The following TAF5 variants were observed in gnomAD, a reference collection of about 807,000 sequenced individuals.
The protein encoded by TAF5 is TATA-box binding protein associated factor 5.
In TAF5, 20 loss-of-function variants were observed where a neutral mutation model predicts 80.9. The observed-to-expected ratio is 0.25, with a 90% confidence interval of 0.17 to 0.36. The LOEUF (loss-of-function observed/expected upper bound fraction) is 0.36. Among genes scored for constraint, TAF5 ranks in the 10% least tolerant of loss-of-function variants. The pLI is 1.00. For synonymous variants in TAF5, 388 were observed against 406.4 expected (o/e 0.95, Z 0.55); for missense variants, 863 against 1,029.4 (o/e 0.84, Z 2.21).
Position 103,385,433 on chromosome 10 carries a change from C to T in TAF5, c.1772C>T (p.Thr591Ile). ...YKGHNYPVWD[T>I]QFSPYGYYFV... Reference sequence around the variant, plus strand: ...GGACACAACTATCCAGTATGGGACACACAATTTTCTCCATATGGATATTAT... The same window carrying T: ...GGACACAACTATCCAGTATGGGACATACAATTTTCTCCATATGGATATTAT... Residue 591 changes from threonine to isoleucine, a missense_variant, in exon 8 of 11, where the codon ACA becomes ATA. Physicochemically the swap from Thr to Ile is moderately conservative, Grantham distance 89. Around this residue, in one of 3 missense-constraint regions of TAF5, gnomAD observed 368 missense variants for 461.7 expected, o/e 0.80. Transcript: ENST00000369839. 1 of 1,613,992 alleles carries T rather than the reference C, an allele frequency of 6.2e-7. No homozygotes were observed. The highest frequency in any genetic ancestry group is 8.5e-7 in the Non-Finnish European group (1 of 1,180,014).
At position 103,374,846 on chromosome 10, in the gene TAF5, C is replaced by T. The variant is rs2133626375; in HGVS notation, c.797+1251C>T. Among the ~76,000 whole-genome samples the T allele has an allele frequency of 6.6e-6, 1 of 152,252 alleles. No individual in the cohort carries two copies. Among genetic ancestry groups the T allele is most frequent in the Admixed American group, 6.5e-5 (1 of 15,298 alleles). On this transcript the variant is annotated intron_variant, in intron 2 of 10. Transcript: ENST00000369839. The surrounding 1 kb of genome is among the most constrained non-coding windows in gnomAD (Gnocchi z 4.3). ...ACCATTTGAAAATGTGTAGAGGTGG[C>T]CCGGCGCTGCGGCTCACGCCTTTAA...
At chr10:103,382,752 A>G (rs1218325806) in intron 6 of TAF5, among the ~76,000 whole-genome samples, 1 of 151,210 alleles carries the variant, frequency 6.6e-6, no homozygotes, top group Non-Finnish European at 1.5e-5. Context: ...GGCTGAAGTG[A>G]TCCTCCCACT....
Position 103,381,713 on chromosome 10 carries a change from A to C in TAF5, c.1414-8A>C. The C allele has an allele frequency of 6.2e-7, 1 of 1,613,972 alleles. No individual in the cohort carries two copies. The highest frequency in any genetic ancestry group is 2.2e-5 in the East Asian group (1 of 44,892). ...TAGTATTGTTTAGTCTAACCCTTTT[A>C]TTGGCAGGGTCTCACTGCAGTGGAT... On this transcript the variant is annotated splice_region_variant and splice_polypyrimidine_tract_variant and intron_variant, in intron 5 of 10. Coordinates refer to ENST00000369839, the MANE Select transcript of TAF5 (RefSeq NM_006951.5).
In TAF5 at chr10:103,387,319, T is replaced by G; in HGVS notation, c.1974T>G (p.Asn658Lys). The G allele has an allele frequency of 6.2e-7, 1 of 1,614,136 alleles. No homozygotes were observed. Residue 658 changes from asparagine to lysine, a missense_variant, in exon 9 of 11, where the codon AAT (asparagine) becomes AAG (lysine). Physicochemically the swap from Asn to Lys is moderately conservative, Grantham distance 94 (BLOSUM62 0). Coordinates refer to ENST00000369839, the MANE Select transcript of TAF5 (RefSeq NM_006951.5). The stretch of plus-strand genomic sequence containing the variant: ...CTGTGCGGCTCTGGGACGTCCTGAA[T>G]GGTAACTGTGTAAGGATCTTCACTG... ...DRTVRLWDVL[N>K]GNCVRIFTGH...
rs1418967322 is a variant in TAF5 at position 103,379,936 on chromosome 10, A to G, written c.1330A>G (p.Met444Val). 8 of 1,614,122 alleles carry G rather than the reference A, an allele frequency of 5.0e-6. No individual in the cohort carries two copies. The highest frequency in any genetic ancestry group is 1.1e-5 in the South Asian group (1 of 91,066). The change falls in exon 5 of 11, where the codon ATG (methionine) becomes GTG (valine). Residue 444 changes from methionine to valine, a missense_variant. By Grantham distance (21) the Met-to-Val change is conservative. Around this residue, in one of 3 missense-constraint regions of TAF5, gnomAD observed 368 missense variants for 461.7 expected, o/e 0.80. Coordinates refer to ENST00000369839, the MANE Select transcript of TAF5 (RefSeq NM_006951.5). ...AGATAAGTTGGATAAGATAATGAAT[A>G]TGAAAGAAACCACCAAACGAGTGCG... The part of the protein sequence containing the change: ...DSDKLDKIMN[M>V]KETTKRVRLG...
chr10:103,379,731 A>G lies in TAF5; in HGVS notation c.1237A>G (p.Lys413Glu). The G allele has an allele frequency of 6.2e-7, 1 of 1,600,856 alleles. No individual in the cohort carries two copies. Among genetic ancestry groups the G allele is most frequent in the Non-Finnish European group, 8.5e-7 (1 of 1,177,248 alleles). ...KKPKKDSIGSKSKKQDPNAPP... is the reference protein window; with the variant it reads ...KKPKKDSIGSESKKQDPNAPP... ...GCCTAAAAAAGATAGTATTGGATCC[A>G]AAAGCAAAAAACAAGATCCCAATGC... Residue 413 changes from lysine (K) to glutamate (E), a missense_variant, in exon 4 of 11, where the codon AAA becomes GAA. Lys to Glu is a moderately conservative substitution (Grantham distance 56). This residue lies in a region of TAF5 where 128 missense variants were observed against 232.2 expected (regional missense o/e 0.55). Coordinates refer to ENST00000369839, the MANE Select transcript of TAF5 (RefSeq NM_006951.5).
rs1592088402 is a variant in TAF5, at chr10:103,368,602, T to C, written c.559+54T>C. The stretch of plus-strand genomic sequence containing the variant: ...GCCGCCGCGAAGGGGAGCAAGCCGG[T>C]AAGGCAGGGGCTGGCAGGCCTGCAC... On this transcript the variant is annotated intron_variant, in intron 1 of 10. Transcript: ENST00000369839. 12 of 1,444,650 alleles carry C rather than the reference T, an allele frequency of 8.3e-6. No homozygotes were observed. The East Asian group carries it at 2.8e-4, about 34-fold the overall frequency. The allele number at this position is 1,444,650 out of a possible 1,614,324, so 89.5% of individuals were successfully genotyped here.
chr10:103,382,995 G>A (rs2093386584), intron 6 of TAF5, among the ~76,000 whole-genome samples: 2 of 152,126 alleles, frequency 1.3e-5, no homozygotes, highest in Admixed American at 6.6e-5. Flanking sequence ...GCAAAACTGA[G>A]TTTCAGTTCT....
intron 2 of TAF5, among the ~76,000 whole-genome samples, 164 bp downstream of exon 2, chr10:103,373,759 G>C (rs990226393): frequency 6.6e-6 from 1 of 152,168 alleles, no homozygotes; most frequent in Non-Finnish European, 1.5e-5. Flanking sequence ...TGTGGGGTTT[G>C]ATCTAGCTGG....
intron 2 of TAF5, 115 bp downstream of exon 2, chr10:103,373,710 T>G: frequency 1.3e-6 from 1 of 796,614 alleles, no homozygotes; most frequent in East Asian, 2.8e-5. Flanking sequence ...AAAAAGTACG[T>G]TGTGAAGGAG....
chr10:103,383,930 T>C (rs1344959636), intron 7 of TAF5, among the ~76,000 whole-genome samples: 1 of 149,706 alleles, frequency 6.7e-6, no homozygotes, highest in Admixed American at 6.8e-5. Context: ...CTTACTGGTT[T>C]TAAAAATTAG....
rs1182718619 is a variant in TAF5 at position 103,373,363 on chromosome 10, A to G, written c.565A>G (p.Ser189Gly). The G allele has an allele frequency of 1.2e-6, 2 of 1,613,328 alleles. No individual in the cohort carries two copies. The highest frequency in any genetic ancestry group is 1.7e-5 in the Admixed American group (1 of 59,788). The stretch of plus-strand genomic sequence containing the variant: ...GTTTTTTGTTTTTTAAATAGTTGGA[A>G]GTGTTGCTGTGGAAGACCAGCCAGA... ...SGPAAPGKVG[S>G]VAVEDQPDVS... The change falls in exon 2 of 11, where the codon AGT (serine) becomes GGT (glycine). Residue 189 changes from serine (S) to glycine (G), a missense_variant. Transcript: ENST00000369839.
At position 103,387,227 on chromosome 10, in the gene TAF5, G is replaced by C; in HGVS notation, c.1882G>C (p.Ala628Pro). ...QPLRIFAGHL[A>P]DVNCTRFHPN... Reference sequence around the variant, plus strand: ...TTTAAGAATATTTGCCGGCCATCTTGCTGATGTGAATTGTACCAGATTCCA... The same window carrying C: ...TTTAAGAATATTTGCCGGCCATCTTCCTGATGTGAATTGTACCAGATTCCA... Residue 628 changes from alanine to proline, a missense_variant, in exon 9 of 11, where the codon GCT (alanine) becomes CCT (proline). By Grantham distance (27) the Ala-to-Pro change is conservative. Coordinates refer to ENST00000369839, the MANE Select transcript of TAF5 (RefSeq NM_006951.5). 1 of 1,614,138 alleles carries C rather than the reference G, an allele frequency of 6.2e-7. No homozygotes were observed. Among genetic ancestry groups the C allele is most frequent in the Non-Finnish European group, 8.5e-7 (1 of 1,180,032 alleles).
chr10:103,376,069 A>AT (rs151206939), intron 2 of TAF5, among the ~76,000 whole-genome samples: 1 of 150,048 alleles, frequency 6.7e-6, no homozygotes, highest in African/African-American at 2.4e-5. Context: ...AAAAAAAAAA[A>AT]GGAGGCCGTG....
chr10:103,370,410 C>T (rs2093356744), intron 1 of TAF5, among the ~76,000 whole-genome samples: 1 of 146,642 alleles, frequency 6.8e-6, no homozygotes, highest in South Asian at 2.2e-4. Flanking sequence ...ACTGCAACCT[C>T]CGCCTCCCAG....
Position 103,388,400 on chromosome 10 carries a change from T to C in TAF5, c.*177T>C, listed in dbSNP as rs2093403002. 7.0e-6 allele frequency: 4 copies of C among 568,242 alleles called. No individual in the cohort carries two copies. The South Asian group carries it at 9.4e-5, about 13-fold the overall frequency. The allele number at this position is 568,242 out of a possible 1,614,324, so 35.2% of individuals were successfully genotyped here. A position where few individuals can be genotyped will look rare whatever the true frequency, so the allele number is the denominator to read the frequency against. On this transcript the variant is annotated 3_prime_UTR_variant, in exon 11 of 11. Transcript: ENST00000369839. ...TTCCACGTTTCTATAGCAACCACATTTGACTAATTTCCGTTAGTTGAATAA... is the reference window on the plus strand; with the variant it reads ...TTCCACGTTTCTATAGCAACCACATCTGACTAATTTCCGTTAGTTGAATAA...
In TAF5 at chr10:103,368,172, C is replaced by A; in HGVS notation, c.183C>A (p.Gly61=). ...VAASSSTGGD[G]GTPKPTVAVS... ...CGTCGTCGTCCACTGGCGGGGATGG[C>A]GGGACCCCCAAGCCCACGGTGGCTG... is the stretch of plus-strand genomic sequence containing the variant. The change falls in exon 1 of 11, where the codon GGC becomes GGA. Residue 61 remains glycine, a synonymous_variant. Coordinates refer to ENST00000369839, the MANE Select transcript of TAF5 (RefSeq NM_006951.5). 2 of 1,391,240 alleles carry A rather than the reference C, an allele frequency of 1.4e-6. No individual in the cohort carries two copies. The highest frequency in any genetic ancestry group is 1.9e-6 in the Non-Finnish European group (2 of 1,074,602). The allele number at this position is 1,391,240 out of a possible 1,614,324, so 86.2% of individuals were successfully genotyped here.
chr10:103,370,534 A>G (rs1231677727), intron 1 of TAF5, among the ~76,000 whole-genome samples: 2 of 151,760 alleles, frequency 1.3e-5, no homozygotes, highest in Non-Finnish European at 2.9e-5. Context: ...TCACCGTGGT[A>G]GCCAGGATGG....
chr10:103,383,090 C>G, intron 6 of TAF5, 148 bp from the exon 7 acceptor site: 1 of 554,542 alleles, frequency 1.8e-6, no homozygotes, highest in Non-Finnish European at 3.0e-6. Context: ...TGAGATGATA[C>G]TGCCTAATTT....
Sources: allele counts gnomAD v4.1 joint callset (sites outside exome capture counted in the v4.1 genomes callset), GRCh38; gene constraint gnomAD v4.1.1; regional missense constraint gnomAD v4.1.1; non-coding constraint Gnocchi (gnomAD v3.1); transcripts MANE v1.5; gene names NCBI Gene and HGNC (gene_info 2026-07-23, HGNC 2026-07-21).